STAB1: variants seen among roughly 807,000 people sequenced by gnomAD.
STAB1 encodes stabilin 1, also known as stabilin-1.
Under a neutral mutation model 332.4 loss-of-function variants are expected in STAB1, and 250 were observed. The ratio of observed to expected loss-of-function variants is 0.75; its 90% CI spans 0.68 to 0.84. The LOEUF (loss-of-function observed/expected upper bound fraction) is 0.84. STAB1 is among the 40% of genes least tolerant of loss of function. STAB1 has a pLI of 0.00. For synonymous variants in STAB1, 1,475 were observed against 1,390.4 expected (o/e 1.06, Z -1.35); for missense variants, 3,249 against 3,489.7 (o/e 0.93, Z 1.74).
chr3:52,510,047 G>T lies in STAB1; in HGVS notation c.2525G>T (p.Gly842Val). 6.2e-7 allele frequency: 1 copy of T among 1,609,676 alleles called. No homozygotes were observed. Among genetic ancestry groups the T allele is most frequent in the African/African-American group, 1.3e-5 (1 of 75,024 alleles). ...HLHARCVSQE[G>V]VARCRCLDGF... is the part of the protein sequence containing the mutation. The stretch of plus-strand genomic sequence containing the variant: ...CATGCCCGCTGTGTTAGCCAGGAGG[G>T]TGTTGCCAGGTGAGGACCCACACCT... The change falls in exon 23 of 69, where the codon GGT (glycine) becomes GTT (valine). Residue 842 changes from glycine (G) to valine (V), a missense_variant. Coordinates refer to ENST00000321725, the MANE Select transcript of STAB1 (RefSeq NM_015136.3).
At position 52,501,229 on chromosome 3, in the gene STAB1, G is replaced by A. The variant is rs140032996; in HGVS notation, c.142G>A (p.Ala48Thr). 2.2e-5 allele frequency: 35 copies of A among 1,613,778 alleles called. No homozygotes were observed. In the East Asian group the frequency reaches 5.8e-4, roughly 27 times the overall value. Reference sequence around the variant, plus strand: ...CACTCATGTACCCTGCACCTCGTGCGCGGCCATCAAGAAGCAGACGTGTCC... The same window carrying A: ...CACTCATGTACCCTGCACCTCGTGCACGGCCATCAAGAAGCAGACGTGTCC... ...FVTHVPCTSC[A>T]AIKKQTCPSG... The change falls in exon 2 of 69, where the codon GCG (alanine) becomes ACG (threonine). Residue 48 changes from alanine (A) to threonine (T), a missense_variant. Physicochemically the swap from Ala to Thr is moderately conservative, Grantham distance 58 (BLOSUM62 0). Coordinates refer to ENST00000321725, the MANE Select transcript of STAB1 (RefSeq NM_015136.3).
rs1252386816 is a variant in STAB1 at position 52,522,620 on chromosome 3, G to T, written c.6676G>T (p.Ala2226Ser). ...SGPYGLNFSE[A>S]EAACEAQGAV... ...CCCTTATGGTCTGAACTTTTCGGAG[G>T]CTGAGGCGGCATGCGAAGCACAGGG... is the stretch of plus-strand genomic sequence containing the variant. Residue 2226 changes from alanine (A) to serine (S), a missense_variant, in exon 61 of 69, where the codon GCT becomes TCT. Ala to Ser is a moderately conservative substitution (Grantham distance 99). Coordinates refer to ENST00000321725, the MANE Select transcript of STAB1 (RefSeq NM_015136.3). The T allele has an allele frequency of 6.2e-7, 1 of 1,612,954 alleles. No homozygotes were observed. The highest frequency in any genetic ancestry group is 1.1e-5 in the South Asian group (1 of 91,080).
Position 52,503,766 on chromosome 3 carries a change from G to C in STAB1, c.892-6G>C. 1 of 1,612,970 alleles carries C rather than the reference G, an allele frequency of 6.2e-7. No individual in the cohort carries two copies. ...GGTGTTCCCCTCCTGCCCTGTCGGGGGCCAGGCCTTCTGCACCTGCCGGCC... is the reference window on the plus strand; with the variant it reads ...GGTGTTCCCCTCCTGCCCTGTCGGGCGCCAGGCCTTCTGCACCTGCCGGCC... On this transcript the variant is annotated splice_polypyrimidine_tract_variant and splice_region_variant and intron_variant, in intron 8 of 68. Transcript: ENST00000321725.
chr3:52,513,498 C>T (rs1247593036), intron 30 of STAB1, among the ~76,000 whole-genome samples: 3 of 152,198 alleles, frequency 2.0e-5, no homozygotes, highest in South Asian at 2.1e-4. Context: ...TCACCACGGG[C>T]CCTGGGGAGG....
At position 52,516,249 on chromosome 3, in the gene STAB1, G is replaced by C. The variant is rs749909083; in HGVS notation, c.4144+11G>C. ...CCAACTGCACCGGAGGTGAGGACTG[G>C]GGAGGGGCGGGGGTGGGCCTCCTGG... On this transcript the variant is annotated intron_variant, in intron 38 of 68. Transcript: ENST00000321725. 6.2e-7 allele frequency: 1 copy of C among 1,610,618 alleles called. No homozygotes were observed. The highest frequency in any genetic ancestry group is 8.5e-7 in the Non-Finnish European group (1 of 1,178,924).
At position 52,514,088 on chromosome 3, in the gene STAB1, C is replaced by A. The variant is rs374868434; in HGVS notation, c.3448-27C>A. On this transcript the variant is annotated intron_variant, in intron 32 of 68. Coordinates refer to ENST00000321725, the MANE Select transcript of STAB1 (RefSeq NM_015136.3). ...TGTCAGGACTGACAACTAATATGCC[C>A]ATCCCTGACCTCCACCCCATCCCTA... The A allele has an allele frequency of 6.2e-6, 10 of 1,610,930 alleles. No homozygotes were observed. In the South Asian group the frequency reaches 1.1e-4, roughly 18 times the overall value.
Position 52,503,379 on chromosome 3 carries a change from C to G in STAB1, c.730C>G (p.Leu244Val), listed in dbSNP as rs1237866752. Reference protein sequence around the residue: ...NPCWPSPCSLLAQCSVSPKGQ... With the variant: ...NPCWPSPCSLVAQCSVSPKGQ... The stretch of plus-strand genomic sequence containing the variant: ...CTGCTGGCCATCACCCTGCTCACTG[C>G]TGGCCCAGTGCTCGGTGAGCCCCAA... Residue 244 changes from leucine to valine, a missense_variant, in exon 8 of 69, where the codon CTG becomes GTG. By Grantham distance (32) the Leu-to-Val change is conservative. Transcript: ENST00000321725. The G allele has an allele frequency of 6.2e-7, 1 of 1,613,426 alleles. No individual in the cohort carries two copies. Among genetic ancestry groups the G allele is most frequent in the East Asian group, 2.2e-5 (1 of 44,886 alleles).
In STAB1 at chr3:52,520,808, G is replaced by C. The variant is rs2079048481; in HGVS notation, c.5711G>C (p.Ser1904Thr). 2 of 1,612,648 alleles carry C rather than the reference G, an allele frequency of 1.2e-6. No homozygotes were observed. The highest frequency in any genetic ancestry group is 1.3e-5 in the African/African-American group (1 of 74,956). Residue 1904 changes from serine to threonine, a missense_variant, in exon 55 of 69, where the codon AGC becomes ACC. Ser to Thr is a moderately conservative substitution (Grantham distance 58, BLOSUM62 1). Coordinates refer to ENST00000321725, the MANE Select transcript of STAB1 (RefSeq NM_015136.3). ...GGCCTGACTCCTTTGGCCCAGGGCA[G>C]CCCTGAGGCCTGCTGGCGCTTCTAC... The part of the protein sequence containing the change: ...PCPEGSQEQG[S>T]PEACWRFYPK...
chr3:52,504,394 G>A (rs556277509), intron 10 of STAB1, 67 bp from the exon 11 acceptor site: 75 of 1,562,296 alleles, frequency 4.8e-5, no homozygotes, highest in East Asian at 1.6e-4. Flanking sequence ...TCTGATGCCC[G>A]AACATCTTCT....
At chr3:52,502,977 G>A in intron 6 of STAB1, 22 bp from the exon 7 acceptor site, 1 of 1,526,254 alleles carries the variant, frequency 6.6e-7, no homozygotes, top group Non-Finnish European at 8.8e-7. Flanking sequence ...GGGCTCATCA[G>A]TGCTCTCTCC....
intron 45 of STAB1, 72 bp from the exon 46 acceptor site, chr3:52,518,240 G>A (rs1014694821): frequency 3.4e-5 from 55 of 1,597,306 alleles, no homozygotes; most frequent in African/African-American, 3.2e-4. Flanking sequence ...ACCTTGGGCC[G>A]CAGGTGCTGG....
chr3:52,500,750 C>T (rs1027857520), intron 1 of STAB1, among the ~76,000 whole-genome samples: 9 of 152,304 alleles, frequency 5.9e-5, no homozygotes, highest in South Asian at 2.1e-4. Context: ...GGGTTTAGTC[C>T]CTGGTTCACA....
Position 52,501,743 on chromosome 3 carries a change from C to A in STAB1, c.321C>A (p.Ser107=), listed in dbSNP as rs1444533414. 2.6e-6 allele frequency: 4 copies of A among 1,562,840 alleles called. No homozygotes were observed. The highest frequency in any genetic ancestry group is 1.4e-5 in the African/African-American group (1 of 73,442). The change falls in exon 3 of 69, where the codon TCC becomes TCA. Residue 107 remains serine, a synonymous_variant. Coordinates refer to ENST00000321725, the MANE Select transcript of STAB1 (RefSeq NM_015136.3). ...QKACCPGYWG[S]RCHECPGGAE... Reference sequence around the variant, plus strand: ...CCTGCTGCCCTGGCTACTGGGGTTCCCGGTGCCATGGTATGGGAGAAAGGG... The same window carrying A: ...CCTGCTGCCCTGGCTACTGGGGTTCACGGTGCCATGGTATGGGAGAAAGGG...
chr3:52,516,846 T>C, intron 41 of STAB1, 78 bp downstream of exon 41: 1 of 1,595,392 alleles, frequency 6.3e-7, no homozygotes, highest in Non-Finnish European at 8.5e-7. Flanking sequence ...TCACTTCCTC[T>C]AGGCCCAGCC....
Position 52,522,193 on chromosome 3 carries a change from G to C in STAB1, c.6428G>C (p.Gly2143Ala). The C allele has an allele frequency of 6.2e-7, 1 of 1,612,722 alleles. No individual in the cohort carries two copies. ...CCCTGCACAGATGGCCACCGCGGGG[G>C]CTGCAGCGAGCACGCCAACTGCTTG... ...RNPCTDGHRG[G>A]CSEHANCLST... The change falls in exon 59 of 69, where the codon GGC becomes GCC. Residue 2143 changes from glycine to alanine, a missense_variant. Physicochemically the swap from Gly to Ala is moderately conservative, Grantham distance 60 (BLOSUM62 0). Coordinates refer to ENST00000321725, the MANE Select transcript of STAB1 (RefSeq NM_015136.3).
chr3:52,523,905 CGGCAGGCGTGGG>C lies in STAB1; in HGVS notation c.7434_7445del (p.Gly2479_Ala2482del). On this transcript the variant is annotated inframe_deletion, in exon 67 of 69. Coordinates refer to ENST00000321725, the MANE Select transcript of STAB1 (RefSeq NM_015136.3). ...CTGGCGCCTGAAGCCCCACCTGTGG[CGGCAGGCGTGGG>C]GGCTGTGCTTGCCGCTGGAGCACTG... is the stretch of plus-strand genomic sequence containing the variant. The C allele has an allele frequency of 6.2e-7, 1 of 1,606,820 alleles. No homozygotes were observed. Among genetic ancestry groups the C allele is most frequent in the African/African-American group, 1.3e-5 (1 of 75,024 alleles).
chr3:52,506,454 C>T (rs1177390882), intron 17 of STAB1, among the ~76,000 whole-genome samples: 5 of 152,248 alleles, frequency 3.3e-5, no homozygotes, highest in Non-Finnish European at 7.3e-5. Flanking sequence ...CAAAAAGGAG[C>T]ATGGAGCACA....
intron 1 of STAB1, among the ~76,000 whole-genome samples, chr3:52,497,807 CTATAT>C (rs1708156165): frequency 6.6e-6 from 1 of 152,092 alleles, no homozygotes; most frequent in South Asian, 2.1e-4. Context: ...CAAGGAACAA[CTATAT>C]TAGGAGTGGA....
At chr3:52,520,170 C>T in intron 51 of STAB1, 34 bp from the exon 52 acceptor site, 2 of 1,613,138 alleles carry the variant, frequency 1.2e-6, no homozygotes, top group Non-Finnish European at 1.7e-6. Context: ...CTCAGCCTGC[C>T]TTTCCACCTC....
Sources: gnomAD v4.1 joint callset for allele counts (sites outside exome capture counted in the v4.1 genomes callset) on GRCh38, gnomAD v4.1.1 for gene constraint, MANE v1.5 for transcripts, NCBI Gene and HGNC (gene_info 2026-07-23, HGNC 2026-07-21) for gene names.